Variants in HS3ST1 observed in about 807,000 individuals in gnomAD.
HS3ST1 encodes heparan sulfate-glucosamine 3-sulfotransferase 1, also known as heparan sulfate glucosamine 3-O-sulfotransferase 1.
In HS3ST1, 8 loss-of-function variants were observed where a neutral mutation model predicts 20.7. The ratio of observed to expected loss-of-function variants is 0.39; its 90% CI spans 0.23 to 0.70. The LOEUF (loss-of-function observed/expected upper bound fraction) is 0.70. HS3ST1 is among the 30% of genes least tolerant of loss of function. HS3ST1 has a pLI of 0.46. For synonymous variants in HS3ST1, 205 were observed against 190.4 expected (o/e 1.08, Z -0.63); for missense variants, 436 against 423.4 (o/e 1.03, Z -0.26).
chr4:11,411,001 T>C (rs16881495), intron 1 of HS3ST1, among the ~76,000 whole-genome samples: 30,826 of 152,210 alleles, frequency 0.2, 3,700 homozygotes, highest in East Asian at 0.47. Flanking sequence ...CACTTCACTA[T>C]GTACAGGCTC....
chr4:11,431,244 A>AC (rs1719200074), upstream of HS3ST1, among the ~76,000 whole-genome samples: 1 of 151,928 alleles, frequency 6.6e-6, no homozygotes, highest in African/African-American at 2.4e-5. Flanking sequence ...AAAAAAAAAA[A>AC]AAAAAACTTT....
At position 11,398,442 on chromosome 4, in the gene HS3ST1, G is replaced by A. The variant is rs1046787870; in HGVS notation, c.*640C>T. 1 of 152,236 alleles carries A rather than the reference G, an allele frequency of 6.6e-6. No individual in the cohort carries two copies. The highest frequency in any genetic ancestry group is 6.5e-5 in the Admixed American group (1 of 15,268). 9.4% of individuals were successfully genotyped at this position (152,236 alleles called of 1,614,324 possible). ...TGCAAATATTCTTTGAGGTCAAGAT[G>A]GATCCCAAGAGACCTCTAGCCAGTC... On this transcript the variant is annotated 3_prime_UTR_variant, in exon 2 of 2. Transcript: ENST00000002596.
rs190455091 is a variant in HS3ST1, at chr4:11,395,888, T to G, written c.*3194A>C. On this transcript the variant is annotated 3_prime_UTR_variant, in exon 2 of 2. Transcript: ENST00000002596. Reference sequence around the variant, plus strand: ...CCATGGAACACATTCCCCCACCCATTCTATACACAGCTAAATGTCTTTGCC... The same window carrying G: ...CCATGGAACACATTCCCCCACCCATGCTATACACAGCTAAATGTCTTTGCC... The G allele has an allele frequency of 6.6e-6, 1 of 152,306 alleles. No individual in the cohort carries two copies. The highest frequency in any genetic ancestry group is 1.5e-5 in the Non-Finnish European group (1 of 68,044). The allele number at this position is 152,306 out of a possible 1,614,324, so 9.4% of individuals were successfully genotyped here. A position where few individuals can be genotyped will look rare whatever the true frequency, so the allele number is the denominator to read the frequency against.
intron 1 of HS3ST1, among the ~76,000 whole-genome samples, chr4:11,423,848 T>A (rs1718994709): frequency 6.6e-6 from 1 of 152,174 alleles, no homozygotes; most frequent in African/African-American, 2.4e-5. Context: ...CTGAATTTCA[T>A]ATTCCAAATT....
At position 11,394,984 on chromosome 4, in the gene HS3ST1, C is replaced by T. The variant is rs1392953598; in HGVS notation, c.*4098G>A. 1 of 152,220 alleles carries T rather than the reference C, an allele frequency of 6.6e-6. No individual in the cohort carries two copies. Among genetic ancestry groups the T allele is most frequent in the Non-Finnish European group, 1.5e-5 (1 of 68,050 alleles). 9.4% of individuals were successfully genotyped at this position (152,220 alleles called of 1,614,324 possible). Reference sequence around the variant, plus strand: ...ACATGGGTGCCTGCTAAGTAAGCTTCCAACACTCCAGCCTTGGAAAGCAGT... The same window carrying T: ...ACATGGGTGCCTGCTAAGTAAGCTTTCAACACTCCAGCCTTGGAAAGCAGT... On this transcript the variant is annotated 3_prime_UTR_variant, in exon 2 of 2. Coordinates refer to ENST00000002596, the MANE Select transcript of HS3ST1 (RefSeq NM_005114.4).
chr4:11,400,033 C>G lies in HS3ST1; in HGVS notation c.-28G>C, dbSNP rs1406440992. ...TGGACACCACGGTGGCTTCACTGGGCCGCGCGCCGCTGGGTCATGAAGTGC... is the reference window on the plus strand; with the variant it reads ...TGGACACCACGGTGGCTTCACTGGGGCGCGCGCCGCTGGGTCATGAAGTGC... On this transcript the variant is annotated 5_prime_UTR_variant, in exon 2 of 2. Coordinates refer to ENST00000002596, the MANE Select transcript of HS3ST1 (RefSeq NM_005114.4). 3 of 1,465,944 alleles carry G rather than the reference C, an allele frequency of 2.0e-6. No individual in the cohort carries two copies. Among genetic ancestry groups the G allele is most frequent in the Admixed American group, 2.4e-5 (1 of 41,666 alleles). 90.8% of individuals were successfully genotyped at this position (1,465,944 alleles called of 1,614,324 possible).
rs532931266 is a variant in HS3ST1, at chr4:11,399,768, C to G, written c.238G>C (p.Val80Leu). Residue 80 changes from valine (V) to leucine (L), a missense_variant, in exon 2 of 2, where the codon GTG becomes CTG. Transcript: ENST00000002596. The surrounding 1 kb of genome is among the most constrained non-coding windows in gnomAD (Gnocchi z 5.1). ...TGGACCTCGTTCTCCGCGGCCGCCA[C>G]GTCGGGGTGCAGGCTGAGCATCTCC... ...LLEMLSLHPD[V>L]AAAENEVHFF... 6.2e-7 allele frequency: 1 copy of G among 1,613,696 alleles called. No individual in the cohort carries two copies. The highest frequency in any genetic ancestry group is 8.5e-7 in the Non-Finnish European group (1 of 1,179,992).
chr4:11,406,926 C>T (rs529382033), intron 1 of HS3ST1, among the ~76,000 whole-genome samples: 3 of 151,784 alleles, frequency 2.0e-5, no homozygotes, highest in African/African-American at 4.8e-5. Flanking sequence ...TTGTTAAGAA[C>T]GAAACATGTC....
chr4:11,431,491 G>A (rs1469465492), upstream of HS3ST1, among the ~76,000 whole-genome samples: 1 of 152,096 alleles, frequency 6.6e-6, no homozygotes, highest in Non-Finnish European at 1.5e-5. Flanking sequence ...AGTCTTTATT[G>A]AGCACCTAGT....
chr4:11,424,098 T>G (rs555803989), intron 1 of HS3ST1, among the ~76,000 whole-genome samples: 1 of 149,414 alleles, frequency 6.7e-6, no homozygotes, highest in Non-Finnish European at 1.5e-5. Context: ...AAGTCCCGCC[T>G]GCAGCCCCTG....
chr4:11,429,170 C>T (rs1014052225), upstream of HS3ST1: 2 of 152,420 alleles, frequency 1.3e-5, no homozygotes, highest in East Asian at 1.9e-4. Flanking sequence ...GTCGGTCCCG[C>T]CCACCCGGTG....
At chr4:11,404,656 C>T (rs909706859) in intron 1 of HS3ST1, among the ~76,000 whole-genome samples, 4 of 152,184 alleles carry the variant, frequency 2.6e-5, no homozygotes, top group Non-Finnish European at 5.9e-5. Context: ...AAGGCAAATT[C>T]GATCTTCTCC....
chr4:11,400,071 G>C lies in HS3ST1; in HGVS notation c.-66C>G. ...GGTCATGAAGTGCCGCAGCAGGGAA[G>C]CCTCCTAGTCAGTGGCACATGGGCG... On this transcript the variant is annotated 5_prime_UTR_variant, in exon 2 of 2. Coordinates refer to ENST00000002596, the MANE Select transcript of HS3ST1 (RefSeq NM_005114.4). 1 of 1,436,630 alleles carries C rather than the reference G, an allele frequency of 7.0e-7. No individual in the cohort carries two copies. The highest frequency in any genetic ancestry group is 2.5e-5 in the East Asian group (1 of 39,834). The allele number at this position is 1,436,630 out of a possible 1,614,324, so 89.0% of individuals were successfully genotyped here.
intron 1 of HS3ST1, among the ~76,000 whole-genome samples, chr4:11,414,464 A>G (rs908976927): frequency 6.6e-6 from 1 of 152,220 alleles, no homozygotes; most frequent in South Asian, 2.1e-4. Context: ...AGCCCATAGC[A>G]TGGTACCATA....
At chr4:11,419,026 G>A (rs1397229611) in intron 1 of HS3ST1, among the ~76,000 whole-genome samples, 4 of 152,008 alleles carry the variant, frequency 2.6e-5, no homozygotes, top group Non-Finnish European at 4.4e-5. Context: ...GGCTGCGTTG[G>A]GGTTTACTCA....
In HS3ST1 at chr4:11,399,818, C is replaced by G. The variant is rs1233497406; in HGVS notation, c.188G>C (p.Arg63Pro). 1.2e-6 allele frequency: 2 copies of G among 1,612,872 alleles called. No homozygotes were observed. Among genetic ancestry groups the G allele is most frequent in the Non-Finnish European group, 1.7e-6 (2 of 1,179,796 alleles). ...QLPQTIIIGV[R>P]KGGTRALLEM... ...CAGCAGTGCGCGCGTGCCGCCCTTGCGCACGCCGATGATGATGGTCTGCGG... is the reference window on the plus strand; with the variant it reads ...CAGCAGTGCGCGCGTGCCGCCCTTGGGCACGCCGATGATGATGGTCTGCGG... The change falls in exon 2 of 2, where the codon CGC becomes CCC. Residue 63 changes from arginine to proline, a missense_variant. Coordinates refer to ENST00000002596, the MANE Select transcript of HS3ST1 (RefSeq NM_005114.4). This position sits in a 1 kb window ranked among gnomAD's most constrained non-coding sequence, Gnocchi z 5.1.
chr4:11,433,899 G>T (rs1711521122), upstream of HS3ST1, among the ~76,000 whole-genome samples: 1 of 152,132 alleles, frequency 6.6e-6, no homozygotes, highest in South Asian at 2.1e-4. Flanking sequence ...GTAATAGAAG[G>T]TCCAAGGAGC....
intron 1 of HS3ST1, among the ~76,000 whole-genome samples, chr4:11,423,522 T>C (rs1243313204): frequency 6.6e-6 from 1 of 152,200 alleles, no homozygotes; most frequent in Admixed American, 6.5e-5. Context: ...AGCACATCAC[T>C]ATCTAACTAG....
intron 1 of HS3ST1, among the ~76,000 whole-genome samples, chr4:11,420,321 C>T (rs10002690): frequency 0.18 from 27,454 of 152,212 alleles, 2,911 homozygotes; most frequent in East Asian, 0.44. Context: ...CTCCTCAGAA[C>T]GTCATGCTCC....
Sources: allele counts gnomAD v4.1 joint callset (sites outside exome capture counted in the v4.1 genomes callset), GRCh38; gene constraint gnomAD v4.1.1; non-coding constraint Gnocchi (gnomAD v3.1); transcripts MANE v1.5; gene names NCBI Gene and HGNC (gene_info 2026-07-23, HGNC 2026-07-21).